ASH2L: variants seen among roughly 807,000 people sequenced by gnomAD.
The protein encoded by ASH2L is set1/Ash2 histone methyltransferase complex subunit ASH2.
ASH2L carries 30 observed loss-of-function variants against 81.1 expected under a neutral mutation model. The observed-to-expected ratio is 0.37, with a 90% CI of 0.28 to 0.50. The LOEUF (loss-of-function observed/expected upper bound fraction) is 0.50, where lower values mean the gene tolerates loss of function less well. Among genes scored for constraint, ASH2L ranks in the 20% least tolerant of loss-of-function variants. ASH2L has a pLI of 0.95. For synonymous variants in ASH2L, 273 were observed against 279.9 expected (o/e 0.98, Z 0.24); for missense variants, 559 against 792.1 (o/e 0.71, Z 3.53).
chr8:38,123,399 A>C (rs368298139), intron 10 of ASH2L: 1 of 152,302 alleles, frequency 6.6e-6, no homozygotes, highest in East Asian at 1.9e-4. Flanking sequence ...CAGAATTTCT[A>C]ATCCCTGGGA....
chr8:38,105,880 C>T (rs1810402757), intron 1 of ASH2L, 142 bp downstream of exon 1: 10 of 1,441,418 alleles, frequency 6.9e-6, no homozygotes, highest in African/African-American at 1.4e-5. Context: ...CGCCGCTTGG[C>T]CCGTCCCCTC....
intron 10 of ASH2L, among the ~76,000 whole-genome samples, chr8:38,126,650 C>G (rs1272090617): frequency 6.6e-6 from 1 of 150,804 alleles, no homozygotes; most frequent in African/African-American, 2.4e-5. Flanking sequence ...GTCAGGAGAT[C>G]AAGACCATCC....
chr8:38,105,767 G>A (rs1393102674), intron 1 of ASH2L, 29 bp downstream of exon 1: 2 of 1,500,072 alleles, frequency 1.3e-6, no homozygotes, highest in Non-Finnish European at 1.8e-6. Flanking sequence ...CGAGGAAGAC[G>A]CGGGAGGGAG....
chr8:38,133,406 A>G (rs2130574866), intron 12 of ASH2L, 48 bp from the exon 13 acceptor site: 3 of 1,357,032 alleles, frequency 2.2e-6, no homozygotes, highest in Non-Finnish European at 3.1e-6. Flanking sequence ...TTTCATGATG[A>G]TGGAGCTGAT....
At chr8:38,120,377 T>G (rs981184176) in intron 9 of ASH2L, among the ~76,000 whole-genome samples, 2 of 152,108 alleles carry the variant, frequency 1.3e-5, no homozygotes, top group Non-Finnish European at 2.9e-5. Context: ...TCCCTTCCCT[T>G]TGTCTAAAGC....
At chr8:38,135,385 G>A (rs1342574925) in intron 13 of ASH2L, among the ~76,000 whole-genome samples, 1 of 151,922 alleles carries the variant, frequency 6.6e-6, no homozygotes, top group South Asian at 2.1e-4. Flanking sequence ...GGAGGTTGAG[G>A]CTGCAGTGAG....
At chr8:38,121,333 TTATATATATATATATATA>T (rs71216649) in intron 10 of ASH2L, among the ~76,000 whole-genome samples, 184 bp downstream of exon 10, 29 of 59,660 alleles carry the variant, frequency 4.9e-4, no homozygotes, top group African/African-American at 1.6e-3. Context: ...GCCGTTTTAT[TTATATATATATATATATA>T]TATATATATA....
intron 8 of ASH2L, 117 bp downstream of exon 8, chr8:38,116,842 A>C (rs1810924788): frequency 1.2e-6 from 1 of 843,792 alleles, no homozygotes; most frequent in Non-Finnish European, 1.8e-6. Flanking sequence ...AAATGCTTTT[A>C]TAGTTCAAAC....
intron 5 of ASH2L, among the ~76,000 whole-genome samples, chr8:38,111,131 T>C (rs1810663188): frequency 6.6e-6 from 1 of 152,136 alleles, no homozygotes; most frequent in Non-Finnish European, 1.5e-5. Context: ...AGACAGGATT[T>C]CACCGTGTTG....
At chr8:38,120,613 T>C (rs1322395638) in intron 9 of ASH2L, among the ~76,000 whole-genome samples, 27 of 2,154 alleles carry the variant, frequency 0.013, no homozygotes, top group Non-Finnish European at 0.024. Flanking sequence ...ATTCCTCTCC[T>C]CCCTTCCCCC....
intron 1 of ASH2L, 104 bp downstream of exon 1, chr8:38,105,842 C>A: frequency 6.9e-7 from 1 of 1,446,088 alleles, no homozygotes; most frequent in Non-Finnish European, 9.1e-7. Flanking sequence ...AACCCAGGCC[C>A]CGCCGCCAAT....
At chr8:38,109,646 A>G (rs1179999236) in intron 3 of ASH2L, among the ~76,000 whole-genome samples, 1 of 152,160 alleles carries the variant, frequency 6.6e-6, no homozygotes, top group Non-Finnish European at 1.5e-5. Context: ...CTTGCCTTCA[A>G]ATAGGCAAGT....
chr8:38,113,375 T>C (rs1466031449), intron 5 of ASH2L, among the ~76,000 whole-genome samples: 1 of 152,204 alleles, frequency 6.6e-6, no homozygotes. Context: ...CATCCGTTTT[T>C]GAACTCTTCC....
chr8:38,139,393 A>G lies in ASH2L; in HGVS notation c.*322A>G, dbSNP rs1356044575. 1 of 212,846 alleles carries G rather than the reference A, an allele frequency of 4.7e-6. No individual in the cohort carries two copies. The highest frequency in any genetic ancestry group is 9.3e-6 in the Non-Finnish European group (1 of 107,256). 13.2% of individuals were successfully genotyped at this position (212,846 alleles called of 1,614,324 possible). ...TCCTACTATATTTTCTAAGGAGTGA[A>G]TAATATTGTCCGAGTAACTAACTTA... On this transcript the variant is annotated 3_prime_UTR_variant, in exon 16 of 16. Transcript: ENST00000343823.
At chr8:38,119,795 T>C (rs994500346) in intron 9 of ASH2L, among the ~76,000 whole-genome samples, 3 of 149,832 alleles carry the variant, frequency 2.0e-5, no homozygotes, top group African/African-American at 7.4e-5. Flanking sequence ...AGAATGAGAC[T>C]CCGTCTCAAA....
intron 12 of ASH2L, among the ~76,000 whole-genome samples, chr8:38,129,222 A>G (rs1801965207): frequency 6.6e-6 from 1 of 152,198 alleles, no homozygotes; most frequent in Non-Finnish European, 1.5e-5. Context: ...TTCAGGATAC[A>G]TAAGCTAGAA....
chr8:38,106,923 C>G, intron 2 of ASH2L, 98 bp from the exon 3 acceptor site: 1 of 1,454,680 alleles, frequency 6.9e-7, no homozygotes, highest in Non-Finnish European at 9.3e-7. Flanking sequence ...TTGAGACCAG[C>G]CTGGGCAACA....
At chr8:38,129,075 T>C in intron 12 of ASH2L, 124 bp downstream of exon 12, 1 of 1,387,344 alleles carries the variant, frequency 7.2e-7, no homozygotes, top group Non-Finnish European at 9.6e-7. Flanking sequence ...AACCTGTTGC[T>C]ATGACATTTT....
chr8:38,115,525 G>A (rs1810858539), intron 7 of ASH2L, among the ~76,000 whole-genome samples: 1 of 152,136 alleles, frequency 6.6e-6, no homozygotes, highest in South Asian at 2.1e-4. Context: ...GATTCAGCCC[G>A]GTGCAGTGGC....
Sources: gnomAD v4.1 joint callset for allele counts (sites outside exome capture counted in the v4.1 genomes callset) on GRCh38, gnomAD v4.1.1 for gene constraint, MANE v1.5 for transcripts, NCBI Gene and HGNC (gene_info 2026-07-23, HGNC 2026-07-21) for gene names.